CARD10: variants seen among roughly 807,000 people sequenced by gnomAD.
CARD10 encodes caspase recruitment domain-containing protein 10.
A neutral mutation model predicts 114.6 loss-of-function variants in CARD10; 49 were observed. That is an observed-to-expected ratio of 0.43 (90% CI 0.34 to 0.54). The LOEUF (loss-of-function observed/expected upper bound fraction) is 0.54. Among genes scored for constraint, CARD10 ranks in the 20% least tolerant of loss-of-function variants. The pLI, the probability that CARD10 is intolerant of heterozygous loss-of-function variation, is 0.03. For missense variants in CARD10, 1,206 were observed against 1,397.2 expected (o/e 0.86, Z 2.18); for synonymous variants, 602 against 593.2 (o/e 1.01, Z -0.21).
chr22:37,493,989 AG>A, intron 16 of CARD10, 96 bp downstream of exon 16: 2 of 913,658 alleles, frequency 2.2e-6, no homozygotes, highest in South Asian at 2.8e-5. Context: ...AGGCCCTTCC[AG>A]GCCAAAGAGG....
At chr22:37,518,813 A>C (rs1923929329) in intron 1 of CARD10, among the ~76,000 whole-genome samples, 153 bp downstream of exon 1, 1 of 152,208 alleles carries the variant, frequency 6.6e-6, no homozygotes, top group Non-Finnish European at 1.5e-5. Context: ...GGGAGGAGGC[A>C]GGCTGGTGGG....
Position 37,497,127 on chromosome 22 carries a change from C to T in CARD10, c.1839G>A (p.Pro613=), listed in dbSNP as rs756277716. 32 of 1,614,124 alleles carry T rather than the reference C, an allele frequency of 2.0e-5. No homozygotes were observed. Among genetic ancestry groups the T allele is most frequent in the African/African-American group, 4.0e-5 (3 of 74,944 alleles). The change falls in exon 12 of 20, where the codon CCG becomes CCA. Residue 613 remains proline (P), a synonymous_variant. Transcript: ENST00000251973. The part of the protein sequence containing the change: ...SGRSPPGGPE[P]QDKGPDGLSF... ...ACAGTCCATCTGGTCCCTTGTCCTG[C>T]GGCTCTGGGCCCCCTGGGGGGCTCC...
At position 37,497,384 on chromosome 22, in the gene CARD10, T is replaced by C. The variant is rs571478236; in HGVS notation, c.1788-206A>G. 1.3e-5 allele frequency: 8 copies of C among 613,630 alleles called. No homozygotes were observed. The South Asian group carries it at 1.6e-4, about 12-fold the overall frequency. 38.0% of individuals were successfully genotyped at this position (613,630 alleles called of 1,614,324 possible). On this transcript the variant is annotated intron_variant, in intron 11 of 19. Transcript: ENST00000251973. ...CAAATCTCAAGTCACAAGCAGCCTC[T>C]CCCCTGGACCTGGGCACACGGTGCA...
chr22:37,507,761 C>T (rs1435109272), intron 6 of CARD10, 68 bp downstream of exon 6: 2 of 1,593,720 alleles, frequency 1.3e-6, no homozygotes, highest in African/African-American at 1.3e-5. Flanking sequence ...CCCTCCATTG[C>T]TCCTTGTCTC....
At chr22:37,507,778 T>C (rs1324784189) in intron 6 of CARD10, 51 bp downstream of exon 6, 8 of 1,609,208 alleles carry the variant, frequency 5.0e-6, no homozygotes, top group South Asian at 1.1e-5. Flanking sequence ...TCTCCTCCCA[T>C]ATGGGAAGCA....
rs1388706496 is a variant in CARD10, at chr22:37,508,665, C to T, written c.927G>A (p.Gly309=). The change falls in exon 5 of 20, where the codon GGG becomes GGA. Residue 309 remains glycine, a synonymous_variant. Coordinates refer to ENST00000251973, the MANE Select transcript of CARD10 (RefSeq NM_014550.4). ...EGLQQEASRP[G]APGSERILLD... ...GCAGGATGCGCTCGGAGCCCGGGGC[C>T]CCCGGCCGGCTCGCCTCCTGGGGAT... The T allele has an allele frequency of 3.8e-6, 6 of 1,569,544 alleles. No homozygotes were observed. Among genetic ancestry groups the T allele is most frequent in the Middle Eastern group, 1.7e-4 (1 of 5,932 alleles).
At chr22:37,513,417 C>T (rs1923729603) in intron 3 of CARD10, among the ~76,000 whole-genome samples, 1 of 152,138 alleles carries the variant, frequency 6.6e-6, no homozygotes, top group South Asian at 2.1e-4. Context: ...GCCAATTTCA[C>T]TTCTTAGGTC....
At chr22:37,518,383 T>C (rs1319074355) in intron 1 of CARD10, among the ~76,000 whole-genome samples, 3 of 152,118 alleles carry the variant, frequency 2.0e-5, no homozygotes, top group Non-Finnish European at 4.4e-5. Flanking sequence ...GCCTTTTCAA[T>C]GGCACAGAGA....
chr22:37,519,159 G>A lies in CARD10; in HGVS notation c.42C>T (p.Ala14=), dbSNP rs899091750. The A allele has an allele frequency of 2.6e-6, 4 of 1,540,858 alleles. No homozygotes were observed. Among genetic ancestry groups the A allele is most frequent in the African/African-American group, 2.7e-5 (2 of 72,890 alleles). Residue 14 remains alanine (A), a synonymous_variant, in exon 1 of 20, where the codon GCC becomes GCT. Coordinates refer to ENST00000251973, the MANE Select transcript of CARD10 (RefSeq NM_014550.4). This position sits in a 1 kb window ranked among gnomAD's most constrained non-coding sequence, Gnocchi z 4.1. ...CCGCCTCAGACCCCGAGCCGGCCCCGGCCTCCTCCTCGGCCTCCCCCGCCT... is the reference window on the plus strand; with the variant it reads ...CCGCCTCAGACCCCGAGCCGGCCCCAGCCTCCTCCTCGGCCTCCCCCGCCT... ...RAEAGEAEEE[A]GAGSGSEAEE...
Position 37,492,497 on chromosome 22 carries a change from C to G in CARD10, c.2689G>C (p.Ala897Pro). Residue 897 changes from alanine (A) to proline (P), a missense_variant, in exon 18 of 20, where the codon GCT (alanine) becomes CCT (proline). Physicochemically the swap from Ala to Pro is conservative, Grantham distance 27 (BLOSUM62 -1). Around this residue, in one of 2 missense-constraint regions of CARD10, gnomAD observed 1,068 missense variants for 1,179.1 expected, o/e 0.91. Transcript: ENST00000251973. The surrounding 1 kb of genome is among the most constrained non-coding windows in gnomAD (Gnocchi z 5.7). ...CPSSAPGAPKAQPATPGLGSR... is the reference protein window; with the variant it reads ...CPSSAPGAPKPQPATPGLGSR... ...CCTAGCCCAGGGGTGGCAGGCTGAGCCTTGGGGGCTCCAGGCGCTGAGGAT... is the reference window on the plus strand; with the variant it reads ...CCTAGCCCAGGGGTGGCAGGCTGAGGCTTGGGGGCTCCAGGCGCTGAGGAT... 6.2e-7 allele frequency: 1 copy of G among 1,604,530 alleles called. No individual in the cohort carries two copies. The highest frequency in any genetic ancestry group is 8.5e-7 in the Non-Finnish European group (1 of 1,174,454).
intron 7 of CARD10, among the ~76,000 whole-genome samples, chr22:37,505,089 G>C (rs1251122486): frequency 6.6e-6 from 1 of 152,180 alleles, no homozygotes; most frequent in Non-Finnish European, 1.5e-5. Flanking sequence ...AGTAGGTCAA[G>C]CTGGGATGGT....
At chr22:37,517,283 A>C (rs1389590530) in intron 2 of CARD10, among the ~76,000 whole-genome samples, 1 of 152,214 alleles carries the variant, frequency 6.6e-6, no homozygotes, top group African/African-American at 2.4e-5. Flanking sequence ...AGTTGTTCTA[A>C]GAAAAAGCAA....
rs1415864335 is a variant in CARD10 at position 37,497,118 on chromosome 22, C to T, written c.1848G>A (p.Lys616=). The T allele has an allele frequency of 1.9e-6, 3 of 1,614,128 alleles. No homozygotes were observed. The highest frequency in any genetic ancestry group is 2.5e-6 in the Non-Finnish European group (3 of 1,180,050). The stretch of plus-strand genomic sequence containing the variant: ...CATAAAACGACAGTCCATCTGGTCC[C>T]TTGTCCTGCGGCTCTGGGCCCCCTG... The part of the protein sequence containing the change: ...SPPGGPEPQD[K]GPDGLSFYGD... Residue 616 remains lysine (K), a synonymous_variant, in exon 12 of 20, where the codon AAG becomes AAA. Coordinates refer to ENST00000251973, the MANE Select transcript of CARD10 (RefSeq NM_014550.4).
chr22:37,507,615 T>G (rs1221596287), intron 6 of CARD10, among the ~76,000 whole-genome samples: 1 of 152,176 alleles, frequency 6.6e-6, no homozygotes, highest in Non-Finnish European at 1.5e-5. Flanking sequence ...CCACAGGAGC[T>G]CAGATGAGGC....
chr22:37,517,925 G>C (rs1162802857), intron 2 of CARD10, 46 bp downstream of exon 2: 1 of 1,597,148 alleles, frequency 6.3e-7, no homozygotes, highest in Non-Finnish European at 8.6e-7. Context: ...AAAGGAGCCT[G>C]TGCACTGGAG....
rs553731287 is a variant in CARD10 at position 37,500,565 on chromosome 22, A to C, written c.1787+2037T>G. On this transcript the variant is annotated intron_variant, in intron 11 of 19. Coordinates refer to ENST00000251973, the MANE Select transcript of CARD10 (RefSeq NM_014550.4). ...GGGCAGGGCAGAGAGGCTGAGGGCA[A>C]GAGATGGGCAGGAAATGGGAAAGAG... Among the ~76,000 whole-genome samples the C allele has an allele frequency of 2.6e-5, 4 of 152,334 alleles. No homozygotes were observed. In the South Asian group the frequency reaches 8.3e-4, roughly 32 times the overall value.
chr22:37,508,742 G>C, intron 4 of CARD10, 60 bp from the exon 5 acceptor site: 2 of 1,480,454 alleles, frequency 1.4e-6, no homozygotes, highest in Middle Eastern at 4.1e-4. Context: ...CTGGGTGTGG[G>C]AAGGAAGGGG....
rs754584981 is a variant in CARD10 at position 37,504,235 on chromosome 22, C to G, written c.1585G>C (p.Gly529Arg). 1.3e-6 allele frequency: 2 copies of G among 1,579,450 alleles called. No homozygotes were observed. Among genetic ancestry groups the G allele is most frequent in the Non-Finnish European group, 8.6e-7 (1 of 1,162,028 alleles). ...LSILPFPPSA[G>R]SILRRQREED... is the part of the protein sequence containing the mutation. Reference sequence around the variant, plus strand: ...TCACGCTGCCGGCGGAGGATGGAGCCGGCACTGGGGGGGAAGGGCAGGATG... The same window carrying G: ...TCACGCTGCCGGCGGAGGATGGAGCGGGCACTGGGGGGGAAGGGCAGGATG... Residue 529 changes from glycine (G) to arginine (R), a missense_variant, in exon 9 of 20, where the codon GGC becomes CGC. Physicochemically the swap from Gly to Arg is moderately radical, Grantham distance 125. This residue lies in a region of CARD10 where 1,068 missense variants were observed against 1,179.1 expected (regional missense o/e 0.91). Transcript: ENST00000251973.
chr22:37,517,134 G>A (rs1035924017), intron 2 of CARD10, among the ~76,000 whole-genome samples: 4 of 152,128 alleles, frequency 2.6e-5, no homozygotes, highest in African/African-American at 9.7e-5. Flanking sequence ...CCGTATCGTT[G>A]TAATAATACA....
Sources: allele counts gnomAD v4.1 joint callset (sites outside exome capture counted in the v4.1 genomes callset), GRCh38; gene constraint gnomAD v4.1.1; regional missense constraint gnomAD v4.1.1; non-coding constraint Gnocchi (gnomAD v3.1); transcripts MANE v1.5; gene names NCBI Gene and HGNC (gene_info 2026-07-23, HGNC 2026-07-21).